Variants in SCARA5 observed in about 807,000 individuals in gnomAD.
SCARA5 encodes the protein scavenger receptor class A, member 5 (putative).
SCARA5 carries 45 observed loss-of-function variants against 46.3 expected under a neutral mutation model. The ratio of observed to expected loss-of-function variants is 0.97; its 90% CI spans 0.76 to 1.24. The LOEUF is 1.24. SCARA5 is among the 50% of genes most tolerant of loss of function. The probability of loss-of-function intolerance (pLI) is 0.00; values close to 1 mark genes in which losing one functional copy is unlikely to be tolerated. For synonymous variants in SCARA5, 333 were observed against 306.5 expected (o/e 1.09, Z -0.90); for missense variants, 680 against 689.0 (o/e 0.99, Z 0.15).
chr8:27,885,032 A>G (rs1806871801), intron 7 of SCARA5, among the ~76,000 whole-genome samples: 1 of 144,712 alleles, frequency 6.9e-6, no homozygotes, highest in African/African-American at 2.7e-5. Context: ...GGCCGGGTGG[A>G]CAAGGAAGGA....
intron 8 of SCARA5, among the ~76,000 whole-genome samples, chr8:27,879,135 GT>G (rs1328204064): frequency 6.6e-6 from 1 of 152,196 alleles, no homozygotes; most frequent in Admixed American, 6.5e-5. Context: ...TCATAGTGCT[GT>G]AAAGATGAAA....
intron 7 of SCARA5, among the ~76,000 whole-genome samples, chr8:27,887,107 G>C (rs1390940864): frequency 3.3e-5 from 5 of 152,188 alleles, no homozygotes; most frequent in Non-Finnish European, 5.9e-5. Context: ...AAGGGCAAGA[G>C]AGCTGGTGAT....
chr8:27,991,056 G>A (rs1018820041), intron 1 of SCARA5, among the ~76,000 whole-genome samples: 3 of 152,246 alleles, frequency 2.0e-5, no homozygotes, highest in Non-Finnish European at 2.9e-5. Context: ...GGCCATCTGC[G>A]CCCTGCAGGC....
chr8:27,973,759 G>A (rs2129956435), intron 2 of SCARA5, among the ~76,000 whole-genome samples: 1 of 152,256 alleles, frequency 6.6e-6, no homozygotes, highest in Middle Eastern at 3.4e-3. Flanking sequence ...ATATCAAAAG[G>A]GAAGGTGAAG....
chr8:27,876,627 G>A (rs746328970), intron 8 of SCARA5, among the ~76,000 whole-genome samples: 2 of 152,152 alleles, frequency 1.3e-5, no homozygotes, highest in African/African-American at 2.4e-5. Flanking sequence ...TGGGGCATCC[G>A]AGTGCACCTG....
chr8:27,884,973 T>C (rs554268266), intron 7 of SCARA5, among the ~76,000 whole-genome samples: 2 of 151,992 alleles, frequency 1.3e-5, no homozygotes, highest in South Asian at 4.2e-4. Flanking sequence ...GGCGCCATCT[T>C]GGACAAGTGG....
At chr8:27,942,144 T>G (rs1807956913) in intron 3 of SCARA5, among the ~76,000 whole-genome samples, 1 of 152,028 alleles carries the variant, frequency 6.6e-6, no homozygotes, top group African/African-American at 2.4e-5. Context: ...TCACATGAGA[T>G]GAAGAGCTGA....
chr8:27,951,502 G>A (rs563388852), intron 3 of SCARA5, among the ~76,000 whole-genome samples: 7 of 152,340 alleles, frequency 4.6e-5, no homozygotes, highest in South Asian at 4.1e-4. Flanking sequence ...TCAGGCCCCC[G>A]AGGCTCACAG....
At chr8:27,907,572 C>CTTTTTTTTTTGTTTTTTTTTTTT (rs1807285854) in intron 5 of SCARA5, among the ~76,000 whole-genome samples, 1 of 97,276 alleles carries the variant, frequency 1.0e-5, no homozygotes, top group Non-Finnish European at 2.0e-5. Flanking sequence ...TCAGCAAACA[C>CTTTTTTTTTTGTTTTTTTTTTTT]TTTTTTTTTT....
At chr8:27,897,633 G>A (rs934122309) in intron 7 of SCARA5, among the ~76,000 whole-genome samples, 5 of 152,218 alleles carry the variant, frequency 3.3e-5, no homozygotes, top group African/African-American at 1.2e-4. Flanking sequence ...GGGCGGCACC[G>A]CAGGCTCGGC....
intron 3 of SCARA5, among the ~76,000 whole-genome samples, chr8:27,939,226 C>T (rs1476083787): frequency 6.6e-6 from 1 of 152,208 alleles, no homozygotes; most frequent in Non-Finnish European, 1.5e-5. Context: ...TGCACTCCAC[C>T]ACCCCAAACA....
chr8:27,872,835 T>C (rs1044699081), intron 8 of SCARA5, among the ~76,000 whole-genome samples: 1 of 152,210 alleles, frequency 6.6e-6, no homozygotes, highest in Non-Finnish European at 1.5e-5. Context: ...CAAATACGTA[T>C]ATAGGATCTT....
chr8:27,942,550 A>G (rs1316937103), intron 3 of SCARA5, among the ~76,000 whole-genome samples: 2 of 152,158 alleles, frequency 1.3e-5, no homozygotes, highest in Non-Finnish European at 2.9e-5. Flanking sequence ...GCCTGGATCC[A>G]GAGCTGCCTT....
At chr8:27,902,273 T>C (rs1444047582) in intron 7 of SCARA5, among the ~76,000 whole-genome samples, 2 of 152,072 alleles carry the variant, frequency 1.3e-5, no homozygotes, top group Non-Finnish European at 2.9e-5. Flanking sequence ...CCTCTTGCTG[T>C]ACAGTCAAGA....
chr8:27,952,561 G>A (rs1411828115), intron 3 of SCARA5, among the ~76,000 whole-genome samples: 1 of 152,216 alleles, frequency 6.6e-6, no homozygotes, highest in Non-Finnish European at 1.5e-5. Flanking sequence ...ACTCCTCACA[G>A]CCAGCAAGAC....
chr8:27,880,990 A>T (rs1182561756), intron 7 of SCARA5, among the ~76,000 whole-genome samples: 1 of 152,200 alleles, frequency 6.6e-6, no homozygotes, highest in Non-Finnish European at 1.5e-5. Context: ...CAAAACCACG[A>T]TGAGATACTA....
chr8:27,947,417 C>T (rs1375518691), intron 3 of SCARA5, among the ~76,000 whole-genome samples: 2 of 152,194 alleles, frequency 1.3e-5, no homozygotes, highest in Admixed American at 1.3e-4. Flanking sequence ...TGAACAGATA[C>T]CTGAACACCC....
chr8:27,902,048 GTC>G (rs1480018687), intron 7 of SCARA5, among the ~76,000 whole-genome samples: 1 of 151,512 alleles, frequency 6.6e-6, no homozygotes, highest in Non-Finnish European at 1.5e-5. Flanking sequence ...TCATGGAGCT[GTC>G]TCTGCTCAGC....
chr8:27,934,023 T>A (rs188034029), intron 3 of SCARA5, among the ~76,000 whole-genome samples: 1 of 152,336 alleles, frequency 6.6e-6, no homozygotes, highest in East Asian at 1.9e-4. Flanking sequence ...CTCATTTCAT[T>A]TGGATTTATG....
Sources: gnomAD v4.1 joint callset for allele counts (sites outside exome capture counted in the v4.1 genomes callset) on GRCh38, gnomAD v4.1.1 for gene constraint, MANE v1.5 for transcripts, NCBI Gene and HGNC (gene_info 2026-07-23, HGNC 2026-07-21) for gene names.